CTBP1: variants seen among roughly 807,000 people sequenced by gnomAD.
CTBP1 encodes the protein C-terminal-binding protein 1.
A neutral mutation model predicts 42.1 loss-of-function variants in CTBP1; 11 were observed. The ratio of observed to expected loss-of-function variants is 0.26; its 90% confidence interval spans 0.16 to 0.43. The LOEUF (loss-of-function observed/expected upper bound fraction) is 0.43. CTBP1 is among the 20% of genes least tolerant of loss of function. CTBP1 has a pLI of 1.00. For missense variants in CTBP1, 399 were observed against 624.3 expected, an observed-to-expected ratio of 0.64 and a Z score of 3.85; for synonymous variants, 324 against 277.1, an observed-to-expected ratio of 1.17 and a Z score of -1.68.
intron 6 of CTBP1, 76 bp from the exon 7 acceptor site, chr4:1,214,549 C>G: frequency 6.7e-7 from 1 of 1,483,018 alleles, no homozygotes; most frequent in Non-Finnish European, 8.9e-7. Context: ...AAGGTGGTCA[C>G]GCACGCCGTT....
chr4:1,225,302 A>G, intron 5 of CTBP1, 58 bp downstream of exon 5: 9 of 1,498,066 alleles, frequency 6.0e-6, no homozygotes, highest in Non-Finnish European at 8.0e-6. Flanking sequence ...GGCACAGCTG[A>G]AGAGCGGCAG....
At chr4:1,226,894 T>C (rs978355549) in intron 4 of CTBP1, among the ~76,000 whole-genome samples, 3 of 151,388 alleles carry the variant, frequency 2.0e-5, no homozygotes, top group African/African-American at 7.3e-5. Context: ...ACCACCTGCG[T>C]CCCCCGCAGG....
chr4:1,222,943 CA>C (rs1729915812), intron 5 of CTBP1, among the ~76,000 whole-genome samples: 1 of 150,224 alleles, frequency 6.7e-6, no homozygotes, highest in Non-Finnish European at 1.5e-5. Flanking sequence ...ATACCCCCCC[CA>C]CATCCCACAG....
rs1730199555 is a variant in CTBP1, at chr4:1,225,223, ACT to A, written c.514+135_514+136del. On this transcript the variant is annotated intron_variant, in intron 5 of 9. Coordinates refer to ENST00000382952, the MANE Select transcript of CTBP1 (RefSeq NM_001012614.2). ...CTCCCGGGCCCTGGTGCCTGTGCGC[ACT>A]CAGTCCTGTCCTGGGTTGGGACCGA... 3 of 1,033,450 alleles carry A rather than the reference ACT, an allele frequency of 2.9e-6. No individual in the cohort carries two copies. The South Asian group carries it at 4.9e-5, about 17-fold the overall frequency. 64.0% of individuals were successfully genotyped at this position (1,033,450 alleles called of 1,614,324 possible).
intron 1 of CTBP1, chr4:1,244,062 G>A (rs1236537565): frequency 1.0e-6 from 1 of 985,324 alleles, no homozygotes; most frequent in African/African-American, 1.7e-5. Context: ...AGGGGCAGCA[G>A]CCCCCAGGTT....
intron 2 of CTBP1, among the ~76,000 whole-genome samples, chr4:1,240,333 G>A (rs1301874627): frequency 8.1e-6 from 1 of 123,282 alleles, no homozygotes. Context: ...CGGGTCCCTC[G>A]TCGGAACCGC....
Position 1,214,039 on chromosome 4 carries a change from T to C in CTBP1, c.860+304A>G, listed in dbSNP as rs568396224. ...GTCTGGACGGGATGCCATGACTCCA[T>C]GGCCAGGGCCCATGGGGACCACTCA... On this transcript the variant is annotated intron_variant, in intron 7 of 9. Transcript: ENST00000382952. 16 of 443,874 alleles carry C rather than the reference T, an allele frequency of 3.6e-5. No homozygotes were observed. In the East Asian group the frequency reaches 5.9e-4, roughly 16 times the overall value. The allele number at this position is 443,874 out of a possible 1,614,324, so 27.5% of individuals were successfully genotyped here. A position where few individuals can be genotyped will look rare whatever the true frequency, so the allele number is the denominator to read the frequency against.
At chr4:1,218,738 TGA>T (rs1391619819) in intron 5 of CTBP1, 3 of 152,186 alleles carry the variant, frequency 2.0e-5, no homozygotes, top group African/African-American at 7.2e-5. Context: ...TGGGTGGCAG[TGA>T]GTTATGAAGG....
At chr4:1,228,143 A>G in intron 4 of CTBP1, 56 bp downstream of exon 4, 1 of 1,597,902 alleles carries the variant, frequency 6.3e-7, no homozygotes, top group South Asian at 1.1e-5. Flanking sequence ...TGGACGAAGC[A>G]AGACGGGACG....
Position 1,228,294 on chromosome 4 carries a change from G to T in CTBP1, c.212C>A (p.Thr71Asn). The T allele has an allele frequency of 6.2e-7, 1 of 1,614,148 alleles. No homozygotes were observed. The highest frequency in any genetic ancestry group is 8.5e-7 in the Non-Finnish European group (1 of 1,180,000). Residue 71 changes from threonine to asparagine, a missense_variant, in exon 4 of 10, where the codon ACC becomes AAC. By Grantham distance (65) the Thr-to-Asn change is moderately conservative. Coordinates refer to ENST00000382952, the MANE Select transcript of CTBP1 (RefSeq NM_001012614.2). Reference sequence around the variant, plus strand: ...TTTGAACTTCTCCAGGTCCTCCCTGGTGAGAGTGATGGTGTGGTACATCAG... The same window carrying T: ...TTTGAACTTCTCCAGGTCCTCCCTGTTGAGAGTGATGGTGTGGTACATCAG... ...GALMYHTITL[T>N]REDLEKFKAL...
At chr4:1,218,176 T>TG in intron 5 of CTBP1, 1 of 151,882 alleles carries the variant, frequency 6.6e-6, no homozygotes, top group South Asian at 2.1e-4. Context: ...GAGGCTGAGG[T>TG]GGGCGGATCA....
At chr4:1,243,186 G>A (rs1732361688) in intron 1 of CTBP1, 2 of 985,460 alleles carry the variant, frequency 2.0e-6, no homozygotes, top group Non-Finnish European at 1.2e-6. Context: ...TGCTCCTGGA[G>A]GATCATCGAT....
Position 1,235,136 on chromosome 4 carries a change from C to G in CTBP1, c.162+3047G>C, listed in dbSNP as rs896970696. 1 of 152,192 alleles carries G rather than the reference C, an allele frequency of 6.6e-6. No individual in the cohort carries two copies. The highest frequency in any genetic ancestry group is 2.4e-5 in the African/African-American group (1 of 41,442). 9.4% of individuals were successfully genotyped at this position (152,192 alleles called of 1,614,324 possible). ...CAGCATTTGCCTGGCCACTCACCCA[C>G]TGAAGGACAGCCGGTGGGGGGCGTC... On this transcript the variant is annotated intron_variant, in intron 3 of 9. Coordinates refer to ENST00000382952, the MANE Select transcript of CTBP1 (RefSeq NM_001012614.2). The surrounding 1 kb of genome is among the most constrained non-coding windows in gnomAD (Gnocchi z 4.2).
chr4:1,212,811 C>T (rs1228873509), intron 9 of CTBP1, 102 bp downstream of exon 9: 2 of 970,554 alleles, frequency 2.1e-6, no homozygotes, highest in Admixed American at 1.9e-5. Context: ...TCCTCCAGGT[C>T]AGTCAGTGGA....
Position 1,228,123 on chromosome 4 carries a change from G to T in CTBP1, c.307+76C>A. ...GCAACGGGGTCCTCAGTGTGGCAGT[G>T]AAGCCTCCATGGACGAAGCAAGACG... On this transcript the variant is annotated intron_variant, in intron 4 of 9. Transcript: ENST00000382952. 8.9e-6 allele frequency: 14 copies of T among 1,567,576 alleles called. 1 individual carries two copies. In the South Asian group the frequency reaches 1.7e-4, roughly 18 times the overall value.
At chr4:1,213,210 G>A (rs1728728692) in intron 8 of CTBP1, among the ~76,000 whole-genome samples, 180 bp from the exon 9 acceptor site, 1 of 152,126 alleles carries the variant, frequency 6.6e-6, no homozygotes, top group Admixed American at 6.5e-5. Flanking sequence ...TGCAGCGTGG[G>A]GACCCCCAGC....
intron 3 of CTBP1, chr4:1,232,848 C>A (rs1389041762): frequency 1.3e-5 from 2 of 152,186 alleles, no homozygotes; most frequent in African/African-American, 4.8e-5. Flanking sequence ...ACCCCAGGGG[C>A]CCCAGAATTC....
chr4:1,241,927 T>C lies in CTBP1; in HGVS notation c.-188-408A>G. 5 of 1,037,996 alleles carry C rather than the reference T, an allele frequency of 4.8e-6. No individual in the cohort carries two copies. The South Asian group carries it at 1.0e-4, about 21-fold the overall frequency. 64.3% of individuals were successfully genotyped at this position (1,037,996 alleles called of 1,614,324 possible). On this transcript the variant is annotated intron_variant, in intron 1 of 9. Coordinates refer to ENST00000382952, the MANE Select transcript of CTBP1 (RefSeq NM_001012614.2). ...CTCTGCCTCCTGTTCTGGAAGCTTCTATCTCATGTCACTGATTCCCGGGCC... is the reference window on the plus strand; with the variant it reads ...CTCTGCCTCCTGTTCTGGAAGCTTCCATCTCATGTCACTGATTCCCGGGCC...
At chr4:1,242,295 C>T (rs3755934) in intron 1 of CTBP1, 55,027 of 985,268 alleles carry the variant, frequency 0.056, 2,989 homozygotes, top group East Asian at 0.33. Flanking sequence ...CACACCTGGC[C>T]CCTGCTCTGG....
Sources: allele counts gnomAD v4.1 joint callset (sites outside exome capture counted in the v4.1 genomes callset), GRCh38; gene constraint gnomAD v4.1.1; non-coding constraint Gnocchi (gnomAD v3.1); transcripts MANE v1.5; gene names NCBI Gene and HGNC (gene_info 2026-07-23, HGNC 2026-07-21).